Variants in DNAH8 observed in about 807,000 individuals in gnomAD.
The protein encoded by DNAH8 is axonemal beta dynein heavy chain 8.
A neutral mutation model predicts 562.1 loss-of-function variants in DNAH8; 382 were observed. The ratio of observed to expected loss-of-function variants is 0.68; its 90% CI spans 0.63 to 0.74. The LOEUF is 0.74. Among genes scored for constraint, DNAH8 ranks in the 30% least tolerant of loss-of-function variants. The pLI, the probability that DNAH8 is intolerant of heterozygous loss-of-function variation, is 0.00. For missense variants in DNAH8, 5,203 were observed against 5,620.4 expected, an observed-to-expected ratio of 0.93 and a Z score of 2.37; for synonymous variants, 1,881 against 1,919.4, an observed-to-expected ratio of 0.98 and a Z score of 0.52.
Position 38,786,970 on chromosome 6 carries a change from T to A in DNAH8, c.2583+18T>A, listed in dbSNP as rs1408341885. 1 of 1,544,208 alleles carries A rather than the reference T, an allele frequency of 6.5e-7. No individual in the cohort carries two copies. The highest frequency in any genetic ancestry group is 2.1e-5 in the Admixed American group (1 of 46,654). The stretch of plus-strand genomic sequence containing the variant: ...ATTTGCAGGTAAGATAGATTATGTT[T>A]TCTAATTATTTTTGAAGGAGTTTTT... On this transcript the variant is annotated intron_variant, in intron 18 of 92. Transcript: ENST00000327475.
chr6:38,733,293 T>C (rs1763805149), intron 4 of DNAH8, among the ~76,000 whole-genome samples: 2 of 152,206 alleles, frequency 1.3e-5, no homozygotes, highest in African/African-American at 4.8e-5. Flanking sequence ...CTAACATAAT[T>C]CTCATATTTT....
chr6:38,994,362 T>G (rs1713037798), intron 88 of DNAH8, among the ~76,000 whole-genome samples: 5 of 152,164 alleles, frequency 3.3e-5, no homozygotes, highest in Admixed American at 3.3e-4. Context: ...CAGGTAGAAG[T>G]GTTATTGTCG....
chr6:38,772,557 T>C (rs142722280), intron 12 of DNAH8, among the ~76,000 whole-genome samples: 26 of 152,300 alleles, frequency 1.7e-4, no homozygotes, highest in African/African-American at 6.3e-4. Context: ...TATTTGTCTT[T>C]TTATTGTTGA....
chr6:38,842,561 T>C, intron 34 of DNAH8, 56 bp downstream of exon 34: 1 of 1,585,398 alleles, frequency 6.3e-7, no homozygotes, highest in African/African-American at 1.4e-5. Context: ...CTATAGGTAT[T>C]TCAGAAGCTA....
Position 38,941,306 on chromosome 6 carries a change from C to T in DNAH8, c.12007+2318C>T, listed in dbSNP as rs986970111. The stretch of plus-strand genomic sequence containing the variant: ...TCCTCTGCAGCCTATTTATAATAAA[C>T]GGGCAGTCACCGATAACTTCTTACT... On this transcript the variant is annotated intron_variant, in intron 79 of 92. Transcript: ENST00000327475. 5.9e-5 allele frequency among the ~76,000 whole-genome samples: 9 copies of T among 152,236 alleles called. No homozygotes were observed. In the South Asian group the frequency reaches 1.2e-3, roughly 21 times the overall value.
In DNAH8 at chr6:38,860,450, T is replaced by A; in HGVS notation, c.5959-7T>A. 1 of 1,399,238 alleles carries A rather than the reference T, an allele frequency of 7.1e-7. No homozygotes were observed. Among genetic ancestry groups the A allele is most frequent in the Non-Finnish European group, 9.4e-7 (1 of 1,066,338 alleles). The allele number at this position is 1,399,238 out of a possible 1,614,324, so 86.7% of individuals were successfully genotyped here. The stretch of plus-strand genomic sequence containing the variant: ...TATATAATTTTTTTGTATTTTATGT[T>A]TTTAAGGTAAAAATGCATATCAAAT... On this transcript the variant is annotated splice_polypyrimidine_tract_variant and splice_region_variant and intron_variant, in intron 42 of 92. Transcript: ENST00000327475.
intron 89 of DNAH8, among the ~76,000 whole-genome samples, chr6:39,009,597 A>G (rs10947773): frequency 0.11 from 16,590 of 152,160 alleles, 1,091 homozygotes; most frequent in Admixed American, 0.2. Flanking sequence ...TACAAGCCAG[A>G]CACTGTCCGA....
chr6:38,719,069 A>G (rs995281434), intron 1 of DNAH8, among the ~76,000 whole-genome samples: 4 of 152,310 alleles, frequency 2.6e-5, no homozygotes, highest in African/African-American at 9.6e-5. Context: ...TCAGCAGAAC[A>G]TCACAATTTA....
chr6:38,726,890 C>T (rs1394655100), intron 3 of DNAH8, among the ~76,000 whole-genome samples: 1 of 128,806 alleles, frequency 7.8e-6, no homozygotes, highest in Non-Finnish European at 1.6e-5. Context: ...CAGAGTCTTC[C>T]TCTGTTACCC....
intron 14 of DNAH8, 103 bp from the exon 15 acceptor site, chr6:38,779,863 G>A: frequency 5.4e-6 from 6 of 1,109,192 alleles, no homozygotes; most frequent in Non-Finnish European, 8.0e-6. Context: ...ATGAGGGCTG[G>A]TATGAATATT....
chr6:38,878,351 C>A (rs1236529571), intron 53 of DNAH8, among the ~76,000 whole-genome samples: 1 of 152,148 alleles, frequency 6.6e-6, no homozygotes, highest in Non-Finnish European at 1.5e-5. Flanking sequence ...CTTTACAGCA[C>A]TTTATGTCTT....
chr6:38,948,474 G>A (rs1761612712), intron 80 of DNAH8, among the ~76,000 whole-genome samples: 1 of 152,144 alleles, frequency 6.6e-6, no homozygotes, highest in African/African-American at 2.4e-5. Flanking sequence ...GAGTAGCTGG[G>A]ATTACAGGCA....
chr6:38,951,395 C>A lies in DNAH8; in HGVS notation c.12326C>A (p.Pro4109Gln). 6.2e-7 allele frequency: 1 copy of A among 1,614,070 alleles called. No homozygotes were observed. The highest frequency in any genetic ancestry group is 1.1e-5 in the South Asian group (1 of 91,074). The change falls in exon 82 of 93, where the codon CCA becomes CAA. Residue 4109 changes from proline (P) to glutamine (Q), a missense_variant. By Grantham distance (76) the Pro-to-Gln change is moderately conservative. Coordinates refer to ENST00000327475, the MANE Select transcript of DNAH8 (RefSeq NM_001206927.2). The part of the protein sequence containing the change: ...ADSLEEKYTE[P>Q]VILNLEKTWE... ...TCTTTGGAGGAGAAGTACACAGAAC[C>A]AGTTATCTTAAATCTGGAGAAAACT...
intron 3 of DNAH8, among the ~76,000 whole-genome samples, chr6:38,723,970 T>TTTAATTAATTAATTAATTAA (rs68148878): frequency 1.4e-5 from 2 of 142,196 alleles, no homozygotes; most frequent in African/African-American, 2.5e-5. Flanking sequence ...TCTTTTTAAA[T>TTTAATTAATTAATTAATTAA]TTAATTAATT....
intron 29 of DNAH8, 97 bp downstream of exon 29, chr6:38,826,488 A>G (rs983407591): frequency 3.7e-5 from 29 of 784,100 alleles, no homozygotes; most frequent in Non-Finnish European, 5.4e-5. Flanking sequence ...ATATTCATCT[A>G]TTATGTAGCA....
chr6:38,800,291 C>A (rs193010849), intron 21 of DNAH8, among the ~76,000 whole-genome samples: 1 of 151,930 alleles, frequency 6.6e-6, no homozygotes, highest in Non-Finnish European at 1.5e-5. Flanking sequence ...GCTCCCAACT[C>A]CATGTTATAC....
Position 38,917,258 on chromosome 6 carries a change from T to G in DNAH8, c.10160T>G (p.Ile3387Ser). 2.5e-6 allele frequency: 4 copies of G among 1,612,242 alleles called. No homozygotes were observed. Among genetic ancestry groups the G allele is most frequent in the Non-Finnish European group, 3.4e-6 (4 of 1,179,128 alleles). ...AALNTIKPNDIATVRKLAKPP... is the reference protein window; with the variant it reads ...AALNTIKPNDSATVRKLAKPP... Reference sequence around the variant, plus strand: ...ATATAGACTATCAAGCCAAATGATATTGCCACAGTCAGGAAACTTGCAAAA... The same window carrying G: ...ATATAGACTATCAAGCCAAATGATAGTGCCACAGTCAGGAAACTTGCAAAA... The change falls in exon 69 of 93, where the codon ATT (isoleucine) becomes AGT (serine). Residue 3387 changes from isoleucine to serine, a missense_variant. Ile to Ser is a moderately radical substitution (Grantham distance 142, BLOSUM62 -2). Coordinates refer to ENST00000327475, the MANE Select transcript of DNAH8 (RefSeq NM_001206927.2).
At chr6:38,900,738 T>C (rs1442808555) in intron 62 of DNAH8, among the ~76,000 whole-genome samples, 1 of 152,014 alleles carries the variant, frequency 6.6e-6, no homozygotes, top group African/African-American at 2.4e-5. Context: ...TTGCCTCAGC[T>C]CACGAGTAGC....
At chr6:38,861,812 G>A (rs918584049) in intron 43 of DNAH8, among the ~76,000 whole-genome samples, 11 of 152,274 alleles carry the variant, frequency 7.2e-5, no homozygotes, top group African/African-American at 2.2e-4. Flanking sequence ...GATTACAGGC[G>A]TGAGCCACCA....
Sources: gnomAD v4.1 joint callset for allele counts (sites outside exome capture counted in the v4.1 genomes callset) on GRCh38, gnomAD v4.1.1 for gene constraint, MANE v1.5 for transcripts, NCBI Gene and HGNC (gene_info 2026-07-23, HGNC 2026-07-21) for gene names.